Variants in HEPH observed in about 807,000 individuals in gnomAD.
The protein encoded by HEPH is hephaestin.
Under a neutral mutation model 80.8 loss-of-function variants are expected in HEPH, and 69 were observed. The ratio of observed to expected loss-of-function variants is 0.85; its 90% CI spans 0.70 to 1.04. The LOEUF (loss-of-function observed/expected upper bound fraction) is 1.04, where lower values mean the gene tolerates loss of function less well. HEPH is among the 50% of genes least tolerant of loss of function. The pLI, the probability that HEPH is intolerant of heterozygous loss-of-function variation, is 0.00. For missense variants in HEPH, 1,115 were observed against 891.3 expected (o/e 1.25, Z -3.20); for synonymous variants, 431 against 322.8 (o/e 1.34, Z -3.60).
intron 9 of HEPH, among the ~76,000 whole-genome samples, chrX:66,196,023 A>G (rs978848934): frequency 8.9e-6 from 1 of 111,904 alleles, no homozygotes; most frequent in Non-Finnish European, 1.9e-5. Context: ...AGAAGTCAAT[A>G]CCATCAATAA....
intron 15 of HEPH, among the ~76,000 whole-genome samples, chrX:66,234,600 A>G (rs1321419894): frequency 9.1e-6 from 1 of 109,406 alleles, no homozygotes; most frequent in African/African-American, 3.3e-5. Flanking sequence ...TGACATTTTA[A>G]TAATAACTGT....
chrX:66,243,410 A>G (rs752744048), intron 15 of HEPH, among the ~76,000 whole-genome samples: 1 of 112,468 alleles, frequency 8.9e-6, no homozygotes, highest in Non-Finnish European at 1.9e-5. Context: ...ACCCTTTACC[A>G]TTATGGAATG....
chrX:66,180,670 A>T (rs753227206), intron 4 of HEPH, among the ~76,000 whole-genome samples: 132 of 21,816 alleles, frequency 6.1e-3, no homozygotes, highest in Middle Eastern at 0.033. Flanking sequence ...TTCAGTCATT[A>T]TTTGTTTGTA....
chrX:66,215,710 C>A (rs1602376230), intron 15 of HEPH, among the ~76,000 whole-genome samples: 1 of 111,367 alleles, frequency 9.0e-6, no homozygotes, highest in South Asian at 3.9e-4. Context: ...CCAGGAACTA[C>A]AGCAGAAACA....
At chrX:66,251,594 C>A (rs2091007906) in intron 15 of HEPH, among the ~76,000 whole-genome samples, 1 of 111,132 alleles carries the variant, frequency 9.0e-6, no homozygotes, top group African/African-American at 3.3e-5. Flanking sequence ...ATTTTGGATA[C>A]AAGAGTGAAG....
chrX:66,201,531 A>T (rs1222454047), intron 12 of HEPH, among the ~76,000 whole-genome samples: 1 of 111,401 alleles, frequency 9.0e-6, no homozygotes. Flanking sequence ...ATAATAGAGC[A>T]GTTATCTTTT....
chrX:66,171,145 AAAG>A (rs2086579875), intron 2 of HEPH: 1 of 324,079 alleles, frequency 3.1e-6, no homozygotes, highest in Non-Finnish European at 6.0e-6. Context: ...AAATGTGAAA[AAAG>A]AAAGTAAGCC....
chrX:66,258,913 GCTGGC>G lies in HEPH; in HGVS notation c.2972_2976del (p.Leu991HisfsTer38). On this transcript the variant is annotated frameshift_variant, in exon 18 of 21. Coordinates refer to ENST00000343002, the MANE Select transcript of HEPH (RefSeq NM_001367233.3). LOFTEE classifies it high-confidence loss of function. ...AAGGAGAACGAGTGGCCTGGTACAT[GCTGGC>G]CATGGGCCAAGATGTGGATCTACAC... 1 of 1,168,500 alleles carries G rather than the reference GCTGGC, an allele frequency of 8.6e-7. No homozygotes were observed. The highest frequency in any genetic ancestry group is 1.1e-6 in the Non-Finnish European group (1 of 872,130).
At chrX:66,265,413 A>C (rs1324532890) in intron 20 of HEPH, among the ~76,000 whole-genome samples, 1 of 110,623 alleles carries the variant, frequency 9.0e-6, no homozygotes, top group Non-Finnish European at 1.9e-5. Flanking sequence ...GCTATACTAG[A>C]TATTTTATAA....
At chrX:66,253,688 C>T (rs185078868) in intron 15 of HEPH, among the ~76,000 whole-genome samples, 1 of 111,560 alleles carries the variant, frequency 9.0e-6, no homozygotes, top group East Asian at 2.8e-4. Context: ...TGGAAATGAC[C>T]CAAATGTTCA....
chrX:66,221,104 G>A (rs184618947), intron 15 of HEPH, among the ~76,000 whole-genome samples: 2 of 111,449 alleles, frequency 1.8e-5, no homozygotes, highest in Admixed American at 1.9e-4. Context: ...TCATGCTTCG[G>A]CTGTGCGTGG....
intron 17 of HEPH, 29 bp downstream of exon 17, chrX:66,256,359 C>T (rs1487002401): frequency 9.5e-7 from 1 of 1,049,709 alleles, no homozygotes; most frequent in East Asian, 3.0e-5. Flanking sequence ...ACTCTTGTTC[C>T]AAAGCAGTCC....
intron 15 of HEPH, among the ~76,000 whole-genome samples, chrX:66,226,162 G>A (rs2089881387): frequency 8.9e-6 from 1 of 111,959 alleles, no homozygotes; most frequent in Non-Finnish European, 1.9e-5. Context: ...GGCTGGGGTT[G>A]ATCTTTAACT....
At position 66,229,351 on chromosome X, in the gene HEPH, A is replaced by G. The variant is rs1018199644; in HGVS notation, c.2563+21105A>G. Reference sequence around the variant, plus strand: ...TTATTCTAAGTGAAGTAACTCAGGAATGGAAAACCAAATATCGTATATTCT... The same window carrying G: ...TTATTCTAAGTGAAGTAACTCAGGAGTGGAAAACCAAATATCGTATATTCT... On this transcript the variant is annotated intron_variant, in intron 15 of 20. Transcript: ENST00000343002. Among the ~76,000 whole-genome samples the G allele has an allele frequency of 3.6e-5, 4 of 112,115 alleles. No homozygotes were observed. In the Admixed American group the frequency reaches 3.8e-4, roughly 11 times the overall value.
At chrX:66,253,561 T>A (rs1449937968) in intron 15 of HEPH, among the ~76,000 whole-genome samples, 1 of 112,137 alleles carries the variant, frequency 8.9e-6, no homozygotes, top group Non-Finnish European at 1.9e-5. Flanking sequence ...GTTTGGCAAT[T>A]CTTTAAGTGG....
At chrX:66,253,011 A>G (rs1335305665) in intron 15 of HEPH, among the ~76,000 whole-genome samples, 1 of 112,461 alleles carries the variant, frequency 8.9e-6, no homozygotes, top group Admixed American at 9.4e-5. Flanking sequence ...TTAGAAGAAA[A>G]CAAAGGAGCA....
chrX:66,213,852 A>T (rs1338119931), intron 15 of HEPH, among the ~76,000 whole-genome samples: 2 of 112,587 alleles, frequency 1.8e-5, no homozygotes, highest in Non-Finnish European at 3.8e-5. Flanking sequence ...AGCAATGGGA[A>T]TACAGATAAT....
At chrX:66,244,614 A>G (rs1017470199) in intron 15 of HEPH, among the ~76,000 whole-genome samples, 3 of 111,260 alleles carry the variant, frequency 2.7e-5, no homozygotes, top group African/African-American at 9.8e-5. Context: ...CTGAATGTTG[A>G]TCTTCATTCC....
rs1186085031 is a variant in HEPH, at chrX:66,230,379, T to G, written c.2563+22133T>G. 1.9e-3 allele frequency among the ~76,000 whole-genome samples: 196 copies of G among 104,058 alleles called. 1 individual carries two copies. The highest frequency in any genetic ancestry group is 3.2e-3 in the Non-Finnish European group (164 of 51,784). 90.4% of individuals were successfully genotyped at this position (104,058 alleles called of 115,157 possible). On this transcript the variant is annotated intron_variant, in intron 15 of 20. Coordinates refer to ENST00000343002, the MANE Select transcript of HEPH (RefSeq NM_001367233.3). ...GACTTCCACAATGGTTGAACTAGTT[T>G]ACAGTCCCACCAACAGTGTAAGAGT...
Sources: allele counts gnomAD v4.1 joint callset (sites outside exome capture counted in the v4.1 genomes callset), GRCh38; gene constraint gnomAD v4.1.1; transcripts MANE v1.5; gene names NCBI Gene and HGNC (gene_info 2026-07-23, HGNC 2026-07-21).